Variants in SLC14A2 observed in about 807,000 individuals in gnomAD.
SLC14A2 encodes urea transporter 2.
Under a neutral mutation model 104.6 loss-of-function variants are expected in SLC14A2, and 91 were observed. The observed-to-expected ratio is 0.87, with a 90% CI of 0.73 to 1.04. SLC14A2 has a LOEUF of 1.04. SLC14A2 is among the 50% of genes least tolerant of loss of function. The pLI is 0.00. For synonymous variants in SLC14A2, 476 were observed against 466.4 expected (o/e 1.02, Z -0.27); for missense variants, 1,189 against 1,156.0 (o/e 1.03, Z -0.41).
At chr18:45,402,740 G>A (rs2612560) in intron 1 of SLC14A2, among the ~76,000 whole-genome samples, 124,094 of 152,166 alleles carry the variant, frequency 0.82, 51,035 homozygotes, top group South Asian at 0.94. Flanking sequence ...GGAGGAGTTG[G>A]CACAGCTAGT....
chr18:45,281,167 C>T (rs532966335), intron 1 of SLC14A2, among the ~76,000 whole-genome samples: 7 of 152,318 alleles, frequency 4.6e-5, no homozygotes, highest in South Asian at 2.1e-4. Context: ...TTGCCTATCA[C>T]GTCTGAACAC....
rs1398400056 is a variant in SLC14A2 at position 45,255,444 on chromosome 18, C to CG, written c.-125+42257dup. 2.6e-5 allele frequency among the ~76,000 whole-genome samples: 4 copies of CG among 152,280 alleles called. No homozygotes were observed. The East Asian group carries it at 7.7e-4, about 29-fold the overall frequency. On this transcript the variant is annotated intron_variant, in intron 1 of 20. Transcript: ENST00000586448. ...TTTGTGTGTGTTTAGCAGCTTTGTC[C>CG]GGGGCTCCATTGTCCAGCATTCAAG...
At chr18:45,230,031 A>G (rs147725050) in intron 1 of SLC14A2, among the ~76,000 whole-genome samples, 2 of 152,290 alleles carry the variant, frequency 1.3e-5, no homozygotes, top group Non-Finnish European at 2.9e-5. Context: ...TTATTTGTAT[A>G]TTGCTTATGA....
chr18:45,243,620 A>G (rs1175864678), intron 1 of SLC14A2, among the ~76,000 whole-genome samples: 1 of 152,212 alleles, frequency 6.6e-6, no homozygotes, highest in Non-Finnish European at 1.5e-5. Flanking sequence ...TTGACTGTAA[A>G]TGTATTCCGA....
intron 2 of SLC14A2, among the ~76,000 whole-genome samples, chr18:45,519,267 A>C (rs989176839): frequency 6.6e-6 from 1 of 152,210 alleles, no homozygotes; most frequent in Non-Finnish European, 1.5e-5. Flanking sequence ...GAAACCCATG[A>C]AGGCAACAGA....
chr18:45,509,651 G>A (rs142519950), intron 2 of SLC14A2, among the ~76,000 whole-genome samples: 413 of 152,298 alleles, frequency 2.7e-3, no homozygotes, highest in African/African-American at 9.5e-3. Flanking sequence ...AGGTCACATG[G>A]TGTCGGCAAT....
chr18:45,393,976 G>T lies in SLC14A2; in HGVS notation c.-124-89257G>T, dbSNP rs1330068180. The stretch of plus-strand genomic sequence containing the variant: ...TGGGATCCAGATTCAGGTCTAAATG[G>T]CTCCAAGGTCCTAACCCCTCTCCAC... On this transcript the variant is annotated intron_variant, in intron 1 of 20. Transcript: ENST00000586448. 2.0e-5 allele frequency among the ~76,000 whole-genome samples: 3 copies of T among 152,110 alleles called. No individual in the cohort carries two copies. The East Asian group carries it at 5.8e-4, about 29-fold the overall frequency.
intron 2 of SLC14A2, among the ~76,000 whole-genome samples, chr18:45,567,348 C>A (rs1039709643): frequency 6.6e-6 from 1 of 152,102 alleles, no homozygotes; most frequent in East Asian, 1.9e-4. Context: ...GAAACTTCCA[C>A]TGGCCTGCAT....
At chr18:45,192,955 A>G in the SLC14A2 span, among the ~76,000 whole-genome samples, 56,975 of 151,970 alleles carry the variant, frequency 0.37, 11,562 homozygotes, top group Non-Finnish European at 0.47. Flanking sequence ...GGGCCTGGCC[A>G]GCAGGTAGTG....
intron 1 of SLC14A2, among the ~76,000 whole-genome samples, chr18:45,432,222 C>T (rs117553160): frequency 0.012 from 1,846 of 152,180 alleles, 27 homozygotes; most frequent in South Asian, 0.073. Flanking sequence ...GAACCCTCCC[C>T]GTACAGTGTT....
intron 1 of SLC14A2, among the ~76,000 whole-genome samples, chr18:45,469,789 G>A (rs1209233352): frequency 6.6e-6 from 1 of 152,180 alleles, no homozygotes; most frequent in Non-Finnish European, 1.5e-5. Flanking sequence ...GGTGTGAAAA[G>A]GAAAGCTCCC....
At chr18:45,456,645 T>G (rs2086948427) in intron 1 of SLC14A2, among the ~76,000 whole-genome samples, 1 of 152,180 alleles carries the variant, frequency 6.6e-6, no homozygotes, top group Non-Finnish European at 1.5e-5. Flanking sequence ...CTCCACGTAC[T>G]GGAGGACGTG....
chr18:45,565,633 C>T (rs750808264), intron 2 of SLC14A2, among the ~76,000 whole-genome samples: 12 of 152,174 alleles, frequency 7.9e-5, no homozygotes, highest in Admixed American at 3.3e-4. Context: ...TGGTCGGTGG[C>T]AGAACTCAAG....
intron 2 of SLC14A2, among the ~76,000 whole-genome samples, chr18:45,505,151 T>G (rs2043262086): frequency 1.3e-5 from 2 of 151,968 alleles, no homozygotes; most frequent in Admixed American, 1.3e-4. Context: ...AGAAACAATT[T>G]TATGAGGGAT....
the SLC14A2 span, among the ~76,000 whole-genome samples, chr18:45,174,797 T>C: frequency 6.6e-6 from 1 of 152,048 alleles, no homozygotes; most frequent in African/African-American, 2.4e-5. Flanking sequence ...AACAACCCAC[T>C]GGATGGATGG....
At chr18:45,531,895 A>G (rs1470790451) in intron 2 of SLC14A2, among the ~76,000 whole-genome samples, 1 of 152,146 alleles carries the variant, frequency 6.6e-6, no homozygotes, top group Non-Finnish European at 1.5e-5. Flanking sequence ...TAAGGAAGGG[A>G]TCCAGTTTCA....
At chr18:45,352,085 C>T (rs983001461) in intron 1 of SLC14A2, among the ~76,000 whole-genome samples, 1 of 152,148 alleles carries the variant, frequency 6.6e-6, no homozygotes, top group Non-Finnish European at 1.5e-5. Flanking sequence ...GCTTGCTGCA[C>T]TGGACAGGGC....
chr18:45,424,395 A>G (rs1002848549), intron 1 of SLC14A2, among the ~76,000 whole-genome samples: 1 of 152,174 alleles, frequency 6.6e-6, no homozygotes, highest in Non-Finnish European at 1.5e-5. Context: ...ATGGTGAGCA[A>G]TGATTGCAAA....
intron 2 of SLC14A2, among the ~76,000 whole-genome samples, chr18:45,506,973 C>T (rs759500929): frequency 6.6e-6 from 1 of 152,200 alleles, no homozygotes; most frequent in Non-Finnish European, 1.5e-5. Flanking sequence ...TCACCACTCA[C>T]CAGCTATATA....
Sources: gnomAD v4.1 joint callset for allele counts (sites outside exome capture counted in the v4.1 genomes callset) on GRCh38, gnomAD v4.1.1 for gene constraint, MANE v1.5 for transcripts, NCBI Gene and HGNC (gene_info 2026-07-23, HGNC 2026-07-21) for gene names.